Variants in SH3BP5 observed in about 807,000 individuals in gnomAD.
The protein encoded by SH3BP5 is SH3 domain-binding protein 5.
SH3BP5 carries 22 observed loss-of-function variants against 43.3 expected under a neutral mutation model. The ratio of observed to expected loss-of-function variants is 0.51; its 90% confidence interval spans 0.36 to 0.73. SH3BP5 has a LOEUF of 0.73. Among genes scored for constraint, SH3BP5 ranks in the 30% least tolerant of loss-of-function variants. SH3BP5 has a pLI of 0.00. For missense variants in SH3BP5, 529 were observed against 586.9 expected (o/e 0.90, Z 1.02); for synonymous variants, 255 against 225.8 (o/e 1.13, Z -1.16).
intron 1 of SH3BP5, 26 bp downstream of exon 1, chr3:15,332,245 A>C (rs772986039): frequency 2.4e-5 from 38 of 1,551,076 alleles, no homozygotes; most frequent in Non-Finnish European, 2.6e-6. Flanking sequence ...CGAAGCCCGG[A>C]TGCGGGGCGA....
chr3:15,332,118 A>AACGGC (rs2124832482), intron 1 of SH3BP5, 153 bp downstream of exon 1: 1 of 1,215,826 alleles, frequency 8.2e-7, no homozygotes, highest in South Asian at 1.5e-5. Context: ...GAGACGATGA[A>AACGGC]ACGGAGCATA....
intron 5 of SH3BP5, among the ~76,000 whole-genome samples, chr3:15,261,660 T>C (rs1026027028): frequency 5.3e-5 from 8 of 151,792 alleles, no homozygotes; most frequent in Non-Finnish European, 1.0e-4. Context: ...TTATCAATGT[T>C]GTATAAAAAT....
chr3:15,259,724 A>G (rs1421746341), intron 6 of SH3BP5, 37 bp downstream of exon 6: 1 of 1,607,468 alleles, frequency 6.2e-7, no homozygotes, highest in Admixed American at 1.7e-5. Context: ...GAGTGCAGAA[A>G]AATCTCATCA....
chr3:15,297,308 C>G (rs1046567562), intron 3 of SH3BP5, among the ~76,000 whole-genome samples: 1 of 152,144 alleles, frequency 6.6e-6, no homozygotes, highest in African/African-American at 2.4e-5. Context: ...GCTCACTCTT[C>G]CACCTGGCAC....
At chr3:15,278,374 T>C (rs905427513) in intron 3 of SH3BP5, among the ~76,000 whole-genome samples, 2 of 152,202 alleles carry the variant, frequency 1.3e-5, no homozygotes, top group African/African-American at 4.8e-5. Context: ...GAGACAAGGA[T>C]GTCTGTTCTC....
At chr3:15,311,577 A>T (rs1475990280) in intron 2 of SH3BP5, among the ~76,000 whole-genome samples, 2 of 152,074 alleles carry the variant, frequency 1.3e-5, no homozygotes, top group Non-Finnish European at 2.9e-5. Flanking sequence ...AACAAAGAAA[A>T]CTGGAGCCTT....
intron 2 of SH3BP5, among the ~76,000 whole-genome samples, chr3:15,330,300 AAAC>A (rs1310245962): frequency 6.6e-6 from 1 of 152,234 alleles, no homozygotes; most frequent in Non-Finnish European, 1.5e-5. Context: ...CCATAATGAA[AAAC>A]AACATGTGCA....
At chr3:15,298,864 C>A (rs765458574) in intron 3 of SH3BP5, among the ~76,000 whole-genome samples, 3 of 151,842 alleles carry the variant, frequency 2.0e-5, no homozygotes, top group African/African-American at 4.8e-5. Flanking sequence ...TGCAAGGGTT[C>A]TAGAGATGGA....
At chr3:15,291,493 T>C (rs1697412126) in intron 3 of SH3BP5, among the ~76,000 whole-genome samples, 1 of 152,092 alleles carries the variant, frequency 6.6e-6, no homozygotes, top group Non-Finnish European at 1.5e-5. Flanking sequence ...ATAGAACAAA[T>C]TTATACCTAA....
intron 3 of SH3BP5, among the ~76,000 whole-genome samples, chr3:15,303,713 A>G (rs1348833619): frequency 6.6e-6 from 1 of 152,036 alleles, no homozygotes; most frequent in Non-Finnish European, 1.5e-5. Flanking sequence ...AAAGAAAAAG[A>G]AGAAGAACCG....
chr3:15,312,987 T>G (rs1698097069), intron 2 of SH3BP5, among the ~76,000 whole-genome samples: 1 of 152,240 alleles, frequency 6.6e-6, no homozygotes. Flanking sequence ...CTCACGCCTG[T>G]AATCCCAGCA....
intron 2 of SH3BP5, among the ~76,000 whole-genome samples, chr3:15,326,156 C>T (rs1698458307): frequency 6.6e-6 from 1 of 152,182 alleles, no homozygotes; most frequent in African/African-American, 2.4e-5. Context: ...TTGGCTTTTG[C>T]TGATATAAAT....
intron 3 of SH3BP5, among the ~76,000 whole-genome samples, chr3:15,299,371 A>G (rs1159474225): frequency 6.6e-6 from 1 of 152,134 alleles, no homozygotes; most frequent in Non-Finnish European, 1.5e-5. Context: ...GGTTTTCAAG[A>G]TCACAGAACT....
At chr3:15,283,468 A>T (rs1052923180) in intron 3 of SH3BP5, among the ~76,000 whole-genome samples, 2 of 152,202 alleles carry the variant, frequency 1.3e-5, no homozygotes, top group Non-Finnish European at 2.9e-5. Context: ...CCCAAACAAG[A>T]GACAGGTTTA....
chr3:15,274,791 C>T (rs1328451982), intron 3 of SH3BP5, among the ~76,000 whole-genome samples: 1 of 152,214 alleles, frequency 6.6e-6, no homozygotes, highest in Non-Finnish European at 1.5e-5. Flanking sequence ...GATGATCTAC[C>T]TGCCTCGGCC....
chr3:15,311,291 T>G (rs1287558957), intron 2 of SH3BP5, among the ~76,000 whole-genome samples: 8 of 152,082 alleles, frequency 5.3e-5, no homozygotes, highest in African/African-American at 1.9e-4. Flanking sequence ...GGAGGCCAGG[T>G]GCGGTGGCTC....
chr3:15,320,623 CA>C (rs1698300617), intron 2 of SH3BP5, among the ~76,000 whole-genome samples: 1 of 150,016 alleles, frequency 6.7e-6, no homozygotes, highest in African/African-American at 2.5e-5. Context: ...CACACACACA[CA>C]CACACACACA....
chr3:15,259,122 C>T lies in SH3BP5; in HGVS notation c.670-72G>A, dbSNP rs989330473. 1.1e-5 allele frequency: 14 copies of T among 1,234,818 alleles called. No individual in the cohort carries two copies. The African/African-American group carries it at 1.8e-4, about 16-fold the overall frequency. 76.5% of individuals were successfully genotyped at this position (1,234,818 alleles called of 1,614,324 possible). Reference sequence around the variant, plus strand: ...TAAGATGCTTTCTGAATGACAGGTTCAAGTACATTTTCTGCCCATCATTCT... The same window carrying T: ...TAAGATGCTTTCTGAATGACAGGTTTAAGTACATTTTCTGCCCATCATTCT... On this transcript the variant is annotated intron_variant, in intron 6 of 8. Transcript: ENST00000383791.
At chr3:15,290,826 T>C (rs1697393072) in intron 3 of SH3BP5, among the ~76,000 whole-genome samples, 1 of 152,090 alleles carries the variant, frequency 6.6e-6, no homozygotes, top group South Asian at 2.1e-4. Context: ...ACTCCCCCCA[T>C]GCCCATGAAA....
Sources: allele counts gnomAD v4.1 joint callset (sites outside exome capture counted in the v4.1 genomes callset), GRCh38; gene constraint gnomAD v4.1.1; transcripts MANE v1.5; gene names NCBI Gene and HGNC (gene_info 2026-07-23, HGNC 2026-07-21).